FAF1: variants seen among roughly 807,000 people sequenced by gnomAD.
FAF1 encodes FAS-associated factor 1.
In FAF1, 25 loss-of-function variants were observed where a neutral mutation model predicts 92.5. The observed-to-expected ratio is 0.27, with a 90% CI of 0.20 to 0.38. The LOEUF (loss-of-function observed/expected upper bound fraction) is 0.38, where lower values mean the gene tolerates loss of function less well. FAF1 is among the 10% of genes least tolerant of loss of function. FAF1 has a pLI of 1.00. For missense variants in FAF1, 636 were observed against 793.3 expected (o/e 0.80, Z 2.38); for synonymous variants, 234 against 273.2 (o/e 0.86, Z 1.42).
At chr1:50,600,728 CAGA>C (rs1002276968) in intron 8 of FAF1, among the ~76,000 whole-genome samples, 2 of 151,886 alleles carry the variant, frequency 1.3e-5, no homozygotes, top group Non-Finnish European at 2.9e-5. Flanking sequence ...AGGTTAAATG[CAGA>C]AGAAGGAAGA....
chr1:50,569,788 C>T (rs1218278262), intron 12 of FAF1, among the ~76,000 whole-genome samples: 1 of 152,108 alleles, frequency 6.6e-6, no homozygotes, highest in Admixed American at 6.5e-5. Context: ...AATTTAAATG[C>T]TCTTCCAAAC....
chr1:50,625,812 G>GGAAAC (rs1305000242), intron 8 of FAF1, among the ~76,000 whole-genome samples: 1 of 152,072 alleles, frequency 6.6e-6, no homozygotes, highest in Non-Finnish European at 1.5e-5. Flanking sequence ...GTAGGCAACG[G>GGAAAC]GAAACCACTG....
At chr1:50,864,329 T>C (rs1457076303) in intron 1 of FAF1, among the ~76,000 whole-genome samples, 1 of 151,132 alleles carries the variant, frequency 6.6e-6, no homozygotes, top group Non-Finnish European at 1.5e-5. Context: ...CTGCTTTCTC[T>C]TGTGGGCATT....
intron 2 of FAF1, among the ~76,000 whole-genome samples, chr1:50,812,010 T>C (rs12139500): frequency 3.3e-3 from 498 of 152,256 alleles, no homozygotes; most frequent in Admixed American, 6.9e-3. Flanking sequence ...TGGTTAGTCA[T>C]ATACAGAAGA....
rs1485795537 is a variant in FAF1 at position 50,832,300 on chromosome 1, CA to C, written c.114+25628del. 2.0e-5 allele frequency among the ~76,000 whole-genome samples: 3 copies of C among 152,138 alleles called. No homozygotes were observed. In the East Asian group the frequency reaches 5.8e-4, roughly 29 times the overall value. On this transcript the variant is annotated intron_variant, in intron 2 of 18. Transcript: ENST00000396153. ...TTTAGAGGACTACTAGCAGAAAAGACATTAGCACCAGCAGCCTCAACAGTTG... is the reference window on the plus strand; with the variant it reads ...TTTAGAGGACTACTAGCAGAAAAGACTTAGCACCAGCAGCCTCAACAGTTG...
intron 5 of FAF1, among the ~76,000 whole-genome samples, chr1:50,743,654 C>G (rs1398302906): frequency 2.0e-5 from 3 of 152,120 alleles, no homozygotes; most frequent in Non-Finnish European, 4.4e-5. Context: ...AAGTTTATGC[C>G]TGGCCATTAA....
At chr1:50,563,929 T>C (rs762899965) in intron 13 of FAF1, among the ~76,000 whole-genome samples, 6 of 152,218 alleles carry the variant, frequency 3.9e-5, no homozygotes, top group Non-Finnish European at 8.8e-5. Context: ...ATCATCAACA[T>C]CACAGGGGTT....
chr1:50,872,870 G>T (rs1419811430), intron 1 of FAF1, among the ~76,000 whole-genome samples: 1 of 151,654 alleles, frequency 6.6e-6, no homozygotes, highest in African/African-American at 2.4e-5. Flanking sequence ...CTGCACTCCA[G>T]CCTGGGCAAC....
At chr1:50,601,010 C>G (rs1223150549) in intron 8 of FAF1, among the ~76,000 whole-genome samples, 1 of 152,014 alleles carries the variant, frequency 6.6e-6, no homozygotes, top group Non-Finnish European at 1.5e-5. Context: ...CAAAAGGATC[C>G]TGAGACCAAA....
At chr1:50,650,141 G>A (rs539422509) in intron 8 of FAF1, among the ~76,000 whole-genome samples, 9 of 151,530 alleles carry the variant, frequency 5.9e-5, no homozygotes, top group South Asian at 2.1e-4. Context: ...AAAATTAGCC[G>A]GGCGTGGTGG....
chr1:50,883,996 A>T (rs1243977699), intron 1 of FAF1, among the ~76,000 whole-genome samples: 1 of 151,950 alleles, frequency 6.6e-6, no homozygotes, highest in East Asian at 1.9e-4. Flanking sequence ...ATGGTGGTGC[A>T]CACCTCTAAT....
chr1:50,614,545 A>G (rs1233073835), intron 8 of FAF1, among the ~76,000 whole-genome samples: 2 of 152,156 alleles, frequency 1.3e-5, no homozygotes, highest in Non-Finnish European at 2.9e-5. Context: ...TCCTTTAAAA[A>G]CAAAACAAAA....
chr1:50,833,458 C>T (rs1455599721), intron 2 of FAF1, among the ~76,000 whole-genome samples: 1 of 152,128 alleles, frequency 6.6e-6, no homozygotes, highest in Non-Finnish European at 1.5e-5. Flanking sequence ...ATGCCAACAT[C>T]TCAGCACCTC....
At chr1:50,713,087 A>C (rs912915493) in intron 6 of FAF1, among the ~76,000 whole-genome samples, 1 of 148,304 alleles carries the variant, frequency 6.7e-6, no homozygotes, top group Non-Finnish European at 1.5e-5. Flanking sequence ...TTGAGGATAG[A>C]AGGGGGAGGT....
At chr1:50,590,594 A>G (rs1407546229) in intron 9 of FAF1, among the ~76,000 whole-genome samples, 1 of 152,214 alleles carries the variant, frequency 6.6e-6, no homozygotes, top group Non-Finnish European at 1.5e-5. Context: ...GTGAACAGAG[A>G]TTATTTTAAT....
chr1:50,773,305 T>C (rs540135779), intron 4 of FAF1, among the ~76,000 whole-genome samples: 1 of 152,264 alleles, frequency 6.6e-6, no homozygotes, highest in African/African-American at 2.4e-5. Context: ...AAATGTGACA[T>C]CAGATCCAGC....
At chr1:50,814,238 T>TA (rs1643944228) in intron 2 of FAF1, among the ~76,000 whole-genome samples, 1 of 152,142 alleles carries the variant, frequency 6.6e-6, no homozygotes, top group Admixed American at 6.5e-5. Context: ...AAAGTAATAC[T>TA]AGGTATAATA....
chr1:50,784,828 G>C (rs1161553776), intron 4 of FAF1, among the ~76,000 whole-genome samples: 1 of 152,072 alleles, frequency 6.6e-6, no homozygotes, highest in African/African-American at 2.4e-5. Flanking sequence ...CATAAAGACA[G>C]ACACACCAAC....
chr1:50,705,929 GAACA>G, intron 6 of FAF1, 38 bp from the exon 7 acceptor site: 1 of 1,289,958 alleles, frequency 7.8e-7, no homozygotes, highest in Non-Finnish European at 1.1e-6. Flanking sequence ...ACTCAGAGAT[GAACA>G]AGTTCTAGCT....
Sources: allele counts gnomAD v4.1 joint callset (sites outside exome capture counted in the v4.1 genomes callset), GRCh38; gene constraint gnomAD v4.1.1; transcripts MANE v1.5; gene names NCBI Gene and HGNC (gene_info 2026-07-23, HGNC 2026-07-21).